MYO1B: variants seen among roughly 807,000 people sequenced by gnomAD.
MYO1B encodes unconventional myosin-Ib.
In MYO1B, 72 loss-of-function variants were observed where a neutral mutation model predicts 159.7. The observed-to-expected ratio is 0.45, with a 90% CI of 0.37 to 0.55. The LOEUF is 0.55. Ranked by LOEUF, MYO1B falls within the 20% of genes least tolerant of loss-of-function variation. The pLI is 0.00. For missense variants in MYO1B, 1,062 were observed against 1,364.8 expected (o/e 0.78, Z 3.50); for synonymous variants, 468 against 473.8 (o/e 0.99, Z 0.16).
chr2:191,361,611 T>C (rs1693677580), intron 8 of MYO1B, among the ~76,000 whole-genome samples: 3 of 150,760 alleles, frequency 2.0e-5, no homozygotes, highest in Admixed American at 2.0e-4. Context: ...TATATACATA[T>C]ACTACATATA....
intron 1 of MYO1B, among the ~76,000 whole-genome samples, chr2:191,248,643 A>G (rs909981233): frequency 5.3e-5 from 8 of 152,204 alleles, no homozygotes; most frequent in African/African-American, 1.7e-4. Context: ...TTTCCACTGA[A>G]TGCCTATCAT....
At chr2:191,329,622 AATTT>A (rs1015261411) in intron 3 of MYO1B, among the ~76,000 whole-genome samples, 6 of 147,608 alleles carry the variant, frequency 4.1e-5, no homozygotes, top group Admixed American at 6.8e-5. Flanking sequence ...ATTTTATATA[AATTT>A]ATTAAATAAA....
At position 191,409,085 on chromosome 2, in the gene MYO1B, C is replaced by T; in HGVS notation, c.2673C>T (p.Ser891=). The change falls in exon 26 of 31, where the codon TCC becomes TCT. Residue 891 remains serine, a synonymous_variant. Coordinates refer to ENST00000392318, the MANE Select transcript of MYO1B (RefSeq NM_001130158.3). Reference sequence around the variant, plus strand: ...TGGAAATGAAAAATAAGATGCCTTCCTTATCTCCAATAGACAAGAATTGGC... The same window carrying T: ...TGGAAATGAAAAATAAGATGCCTTCTTTATCTCCAATAGACAAGAATTGGC... ...YFLEMKNKMP[S]LSPIDKNWPS... 6.2e-7 allele frequency: 1 copy of T among 1,612,326 alleles called. No homozygotes were observed. The highest frequency in any genetic ancestry group is 8.5e-7 in the Non-Finnish European group (1 of 1,179,518).
intron 6 of MYO1B, 120 bp from the exon 7 acceptor site, chr2:191,350,038 GTCTT>G: frequency 1.4e-6 from 1 of 714,858 alleles, no homozygotes; most frequent in Admixed American, 2.6e-5. Flanking sequence ...TATAAACTGT[GTCTT>G]TCTTAGTTAC....
At chr2:191,387,156 T>C in intron 16 of MYO1B, 68 bp from the exon 17 acceptor site, 2 of 1,471,522 alleles carry the variant, frequency 1.4e-6, no homozygotes, top group Non-Finnish European at 1.9e-6. Flanking sequence ...TCTTGGAGTA[T>C]TTTTAATAGT....
chr2:191,421,138 C>T (rs1361298905), intron 30 of MYO1B, among the ~76,000 whole-genome samples: 3 of 150,086 alleles, frequency 2.0e-5, no homozygotes, highest in African/African-American at 7.4e-5. Context: ...GGCGAGATCT[C>T]GGCTCACTGC....
At chr2:191,349,294 A>G (rs1692766136) in intron 6 of MYO1B, among the ~76,000 whole-genome samples, 1 of 152,234 alleles carries the variant, frequency 6.6e-6, no homozygotes, top group African/African-American at 2.4e-5. Context: ...AGCATGCATA[A>G]GCCGATAAAA....
rs71030338 is a variant in MYO1B, at chr2:191,383,515, TACACACACACAC to T, written c.1353+195_1353+206del. ...ATGTGTATATATATATATATACACG[TACACACACACAC>T]ACACACACACACACACACACATATA... On this transcript the variant is annotated intron_variant, in intron 15 of 30. Coordinates refer to ENST00000392318, the MANE Select transcript of MYO1B (RefSeq NM_001130158.3). Among the ~76,000 whole-genome samples the T allele has an allele frequency of 2.3e-3, 288 of 122,740 alleles. 1 individual carries two copies. The highest frequency in any genetic ancestry group is 9.5e-3 in the African/African-American group (282 of 29,572). 80.5% of individuals were successfully genotyped at this position (122,740 alleles called of 152,430 possible). A position where few individuals can be genotyped will look rare whatever the true frequency, so the allele number is the denominator to read the frequency against.
At chr2:191,409,273 T>A in intron 26 of MYO1B, 95 bp downstream of exon 26, 1 of 1,350,150 alleles carries the variant, frequency 7.4e-7, no homozygotes, top group Non-Finnish European at 1.0e-6. Flanking sequence ...ACATTCTTCC[T>A]TTGCCTCAAA....
At chr2:191,335,859 C>T (rs1253890484) in intron 4 of MYO1B, among the ~76,000 whole-genome samples, 3 of 152,118 alleles carry the variant, frequency 2.0e-5, no homozygotes, top group African/African-American at 4.8e-5. Flanking sequence ...TCTTAAGCTG[C>T]GGAGTTATGT....
intron 6 of MYO1B, 105 bp from the exon 7 acceptor site, chr2:191,350,057 A>C: frequency 1.2e-6 from 1 of 861,728 alleles, no homozygotes; most frequent in Non-Finnish European, 1.9e-6. Context: ...AGTTACATTT[A>C]AACAAATGTA....
intron 2 of MYO1B, among the ~76,000 whole-genome samples, chr2:191,285,200 C>T (rs1688292020): frequency 6.6e-6 from 1 of 152,156 alleles, no homozygotes. Context: ...AAATACTTGT[C>T]TCGTGACACA....
Position 191,350,053 on chromosome 2 carries a change from A to G in MYO1B, c.499-109A>G, listed in dbSNP as rs954106578. 79 of 836,536 alleles carry G rather than the reference A, an allele frequency of 9.4e-5. No individual in the cohort carries two copies. In the African/African-American group the frequency reaches 1.2e-3, roughly 13 times the overall value. 51.8% of individuals were successfully genotyped at this position (836,536 alleles called of 1,614,324 possible). On this transcript the variant is annotated intron_variant, in intron 6 of 30. Transcript: ENST00000392318. Reference sequence around the variant, plus strand: ...TATAAACTGTGTCTTTCTTAGTTACATTTAAACAAATGTATAAAAATAAGG... The same window carrying G: ...TATAAACTGTGTCTTTCTTAGTTACGTTTAAACAAATGTATAAAAATAAGG...
intron 21 of MYO1B, among the ~76,000 whole-genome samples, chr2:191,399,750 A>G (rs1277328559): frequency 1.1e-5 from 1 of 90,208 alleles, no homozygotes; most frequent in Non-Finnish European, 2.9e-5. Flanking sequence ...CAAAACACAA[A>G]TCTGAACATG....
intron 5 of MYO1B, among the ~76,000 whole-genome samples, chr2:191,342,147 G>T: frequency 6.6e-6 from 1 of 152,336 alleles, no homozygotes; most frequent in East Asian, 1.9e-4. Flanking sequence ...TGTCCAGGTA[G>T]ATTTTATTCT....
At chr2:191,269,318 G>A (rs934442446) in intron 1 of MYO1B, among the ~76,000 whole-genome samples, 2 of 152,200 alleles carry the variant, frequency 1.3e-5, no homozygotes, top group Admixed American at 1.3e-4. Context: ...GATGTAGCAT[G>A]TATCAGGATT....
chr2:191,372,806 G>A (rs922082217), intron 13 of MYO1B, among the ~76,000 whole-genome samples: 4 of 146,576 alleles, frequency 2.7e-5, no homozygotes, highest in African/African-American at 7.5e-5. Context: ...CCTTCTGCAA[G>A]TTATACCATC....
rs567845826 is a variant in MYO1B, at chr2:191,333,249, T to G, written c.346+3220T>G. Among the ~76,000 whole-genome samples, 5 of 152,310 alleles carry G rather than the reference T, an allele frequency of 3.3e-5. No homozygotes were observed. The South Asian group carries it at 1.0e-3, about 32-fold the overall frequency. On this transcript the variant is annotated intron_variant, in intron 4 of 30. Transcript: ENST00000392318. The stretch of plus-strand genomic sequence containing the variant: ...TTTACACTGCTAGTGAAAATACCTC[T>G]TGGCTGATCTCCCAGCTATGTATTT...
intron 24 of MYO1B, among the ~76,000 whole-genome samples, chr2:191,403,223 A>G (rs1433617024): frequency 6.6e-6 from 1 of 152,214 alleles, no homozygotes; most frequent in Non-Finnish European, 1.5e-5. Context: ...TTAAGCTTAC[A>G]GATTTTGATG....
Sources: gnomAD v4.1 joint callset for allele counts (sites outside exome capture counted in the v4.1 genomes callset) on GRCh38, gnomAD v4.1.1 for gene constraint, MANE v1.5 for transcripts, NCBI Gene and HGNC (gene_info 2026-07-23, HGNC 2026-07-21) for gene names.